REPS1: variants seen among roughly 807,000 people sequenced by gnomAD.
REPS1 encodes the protein ralBP1-associated Eps domain-containing protein 1.
A neutral mutation model predicts 100.9 loss-of-function variants in REPS1; 39 were observed. That is an observed-to-expected ratio of 0.39 (90% CI 0.30 to 0.50). REPS1 has a LOEUF of 0.50. Ranked by LOEUF, REPS1 falls within the 20% of genes least tolerant of loss-of-function variation. The pLI is 0.86. For synonymous variants in REPS1, 324 were observed against 340.3 expected, an observed-to-expected ratio of 0.95 and a Z score of 0.53; for missense variants, 821 against 968.5, an observed-to-expected ratio of 0.85 and a Z score of 2.02.
rs150596458 is a variant in REPS1 at position 138,920,389 on chromosome 6, T to C, written c.1427-73A>G. 2.6e-4 allele frequency: 166 copies of C among 648,254 alleles called. No homozygotes were observed. The African/African-American group carries it at 2.7e-3, about 10-fold the overall frequency. The allele number at this position is 648,254 out of a possible 1,614,324, so 40.2% of individuals were successfully genotyped here. A position where few individuals can be genotyped will look rare whatever the true frequency, so the allele number is the denominator to read the frequency against. ...TGATAAACTCATAAAGCTCAGAGTG[T>C]AAGACTTCATTTAAATATCCAAAGA... is the stretch of plus-strand genomic sequence containing the variant. On this transcript the variant is annotated intron_variant, in intron 11 of 19. Transcript: ENST00000450536.
At chr6:138,948,255 G>C (rs1441487927) in intron 1 of REPS1, among the ~76,000 whole-genome samples, 3 of 152,108 alleles carry the variant, frequency 2.0e-5, no homozygotes, top group African/African-American at 7.2e-5. Context: ...GTGACTAAGA[G>C]ACTATTATGC....
At chr6:138,982,653 T>C (rs1037897882) in intron 1 of REPS1, among the ~76,000 whole-genome samples, 1 of 152,248 alleles carries the variant, frequency 6.6e-6, no homozygotes, top group African/African-American at 2.4e-5. Flanking sequence ...TTAAATCCTA[T>C]GAGCCAGATT....
At chr6:138,923,713 A>G (rs964675666) in intron 10 of REPS1, among the ~76,000 whole-genome samples, 17 of 152,214 alleles carry the variant, frequency 1.1e-4, no homozygotes, top group African/African-American at 3.9e-4. Flanking sequence ...CAGAACTATG[A>G]AAGCTTAATA....
At chr6:138,927,775 A>T (rs1178932884) in intron 9 of REPS1, 1 of 152,240 alleles carries the variant, frequency 6.6e-6, no homozygotes, top group Non-Finnish European at 1.5e-5. Context: ...TTCATGAATT[A>T]AGAATCCCAC....
intron 17 of REPS1, 74 bp from the exon 18 acceptor site, chr6:138,908,890 GCTTT>G: frequency 7.1e-7 from 1 of 1,409,216 alleles, no homozygotes; most frequent in Non-Finnish European, 9.7e-7. Flanking sequence ...AACACCATTT[GCTTT>G]CTTTAAGCCA....
At chr6:138,970,838 G>A (rs929380573) in intron 1 of REPS1, among the ~76,000 whole-genome samples, 1 of 152,234 alleles carries the variant, frequency 6.6e-6, no homozygotes, top group Admixed American at 6.5e-5. Context: ...TTAAGAACAG[G>A]CCAGGGTACA....
At chr6:138,987,121 C>T (rs9495295) in intron 1 of REPS1, among the ~76,000 whole-genome samples, 97,163 of 152,098 alleles carry the variant, frequency 0.64, 32,957 homozygotes, top group African/African-American at 0.87. Flanking sequence ...CTCGGTTAAT[C>T]CAAGAATTAA....
intron 9 of REPS1, 153 bp downstream of exon 9, chr6:138,929,824 G>A (rs558338953): frequency 2.1e-5 from 15 of 705,626 alleles, no homozygotes; most frequent in Non-Finnish European, 3.4e-5. Flanking sequence ...CCTCGAAAAA[G>A]TCACATAATT....
At chr6:138,945,012 AACTCCT>A (rs1452191230) in intron 4 of REPS1, among the ~76,000 whole-genome samples, 2 of 152,204 alleles carry the variant, frequency 1.3e-5, no homozygotes, top group Non-Finnish European at 2.9e-5. Flanking sequence ...TCTGGGAGGC[AACTCCT>A]GAAGGAATAT....
At position 138,908,696 on chromosome 6, in the gene REPS1, C is replaced by A. The variant is rs1779818704; in HGVS notation, c.2188G>T (p.Val730Phe). 1 of 1,614,172 alleles carries A rather than the reference C, an allele frequency of 6.2e-7. No individual in the cohort carries two copies. ...GGAATAGAAGGTTGTGATGCAAGAA[C>A]AGCAGCTAAGACACCCGTCTTTTGT... ...HTQKTGVLAA[V>F]LASQPSIPRS... Residue 730 changes from valine to phenylalanine, a missense_variant, in exon 18 of 20, where the codon GTT becomes TTT. Physicochemically the swap from Val to Phe is conservative, Grantham distance 50 (BLOSUM62 -1). Transcript: ENST00000450536.
At chr6:138,980,801 C>A (rs768581417) in intron 1 of REPS1, among the ~76,000 whole-genome samples, 1 of 151,436 alleles carries the variant, frequency 6.6e-6, no homozygotes, top group Non-Finnish European at 1.5e-5. Context: ...GATCCTCCTG[C>A]CTCTGCCTCT....
chr6:138,921,039 C>T lies in REPS1; in HGVS notation c.1424G>A (p.Ser475Asn). 1 of 1,609,246 alleles carries T rather than the reference C, an allele frequency of 6.2e-7. No individual in the cohort carries two copies. Among genetic ancestry groups the T allele is most frequent in the Non-Finnish European group, 8.5e-7 (1 of 1,176,034 alleles). The change falls in exon 11 of 20, where the codon AGC (serine) becomes AAC (asparagine). Residue 475 changes from serine (S) to asparagine (N), a missense_variant and splice_region_variant. Ser to Asn is a conservative substitution (Grantham distance 46). Coordinates refer to ENST00000450536, the MANE Select transcript of REPS1 (RefSeq NM_001286611.2). ...MQEMELKRTG[S>N]DHTNPTSPLL... ...CAAACCAGCAACAGCTTCCTTACCGCTGCCAGTTCTTTTAAGTTCCATTTC... is the reference window on the plus strand; with the variant it reads ...CAAACCAGCAACAGCTTCCTTACCGTTGCCAGTTCTTTTAAGTTCCATTTC...
At position 138,987,599 on chromosome 6, in the gene REPS1, C is replaced by T. The variant is rs777126927; in HGVS notation, c.84G>A (p.Lys28=). ...CCAGCACCCGCCCGTTGACCACCAC[C>T]TTCTTGGTGCTCTCAATGTCGCAGT... ...FSYCDIESTK[K]VVVNGRVLEL... is the part of the protein sequence containing the mutation. The change falls in exon 1 of 20, where the codon AAG becomes AAA. Residue 28 remains lysine, a synonymous_variant. Transcript: ENST00000450536. 1.2e-5 allele frequency: 18 copies of T among 1,551,040 alleles called. No individual in the cohort carries two copies. In the Admixed American group the frequency reaches 3.3e-4, roughly 29 times the overall value.
intron 19 of REPS1, 183 bp downstream of exon 19, chr6:138,907,312 A>AG: frequency 2.5e-4 from 26 of 105,678 alleles, no homozygotes; most frequent in South Asian, 1.3e-3. Flanking sequence ...AAAAAAAAAA[A>AG]AGTGTGTGTG....
intron 16 of REPS1, 98 bp from the exon 17 acceptor site, chr6:138,911,469 C>T: frequency 1.2e-6 from 1 of 845,934 alleles, no homozygotes; most frequent in Non-Finnish European, 1.9e-6. Flanking sequence ...GTTAAATATT[C>T]TGACAAGAAA....
At chr6:138,932,538 C>T (rs1201024156) in intron 8 of REPS1, among the ~76,000 whole-genome samples, 1 of 151,136 alleles carries the variant, frequency 6.6e-6, no homozygotes, top group South Asian at 2.1e-4. Flanking sequence ...TGAAGCAGTA[C>T]AAATTAATTT....
chr6:138,966,873 T>C (rs559852506), intron 1 of REPS1, among the ~76,000 whole-genome samples: 7 of 152,342 alleles, frequency 4.6e-5, no homozygotes, highest in African/African-American at 1.7e-4. Context: ...ACATTTCATA[T>C]AACTACAATA....
At chr6:138,920,151 AAATAGTCAGACTCTAAATCCAGACTT>A (rs1780655737) in intron 12 of REPS1, 38 bp downstream of exon 12, 2 of 876,612 alleles carry the variant, frequency 2.3e-6, no homozygotes, top group Non-Finnish European at 3.9e-6. Flanking sequence ...TACACATCTG[AAATAGTCAGACTCTAAATCCAGACTT>A]AGTAAACTTC....
chr6:138,906,499 G>A (rs958271564), intron 19 of REPS1, among the ~76,000 whole-genome samples: 4 of 152,062 alleles, frequency 2.6e-5, no homozygotes, highest in South Asian at 2.1e-4. Flanking sequence ...GGTATATTAC[G>A]TGGTCTTCCT....
Sources: allele counts gnomAD v4.1 joint callset (sites outside exome capture counted in the v4.1 genomes callset), GRCh38; gene constraint gnomAD v4.1.1; transcripts MANE v1.5; gene names NCBI Gene and HGNC (gene_info 2026-07-23, HGNC 2026-07-21).